WDFY4: variants seen among roughly 807,000 people sequenced by gnomAD.
WDFY4 encodes WD repeat- and FYVE domain-containing protein 4.
In WDFY4, 169 loss-of-function variants were observed where a neutral mutation model predicts 351.9. The ratio of observed to expected loss-of-function variants is 0.48; its 90% CI spans 0.42 to 0.55. The LOEUF is 0.55. Among genes scored for constraint, WDFY4 ranks in the 20% least tolerant of loss-of-function variants. WDFY4 has a pLI of 0.00. For missense variants in WDFY4, 3,803 were observed against 3,935.6 expected (o/e 0.97, Z 0.90); for synonymous variants, 1,622 against 1,574.6 (o/e 1.03, Z -0.71).
intron 49 of WDFY4, among the ~76,000 whole-genome samples, chr10:48,945,579 A>G (rs1409594314): frequency 1.3e-5 from 2 of 152,230 alleles, no homozygotes; most frequent in Admixed American, 6.5e-5. Flanking sequence ...TTCACTGCCC[A>G]GAAAGGAGTG....
chr10:48,748,624 A>G (rs889876693), intron 12 of WDFY4, among the ~76,000 whole-genome samples: 2 of 152,176 alleles, frequency 1.3e-5, no homozygotes, highest in African/African-American at 4.8e-5. Flanking sequence ...GTCAAATGTC[A>G]TCCTGGTTTT....
At chr10:48,926,155 TC>T (rs1399562412) in intron 47 of WDFY4, among the ~76,000 whole-genome samples, 40 of 152,098 alleles carry the variant, frequency 2.6e-4, no homozygotes, top group Admixed American at 7.9e-4. Flanking sequence ...CCCCACTGCC[TC>T]CCGGGAGAGG....
At chr10:48,685,598 C>T (rs1407722488) in intron 1 of WDFY4, among the ~76,000 whole-genome samples, 1 of 152,186 alleles carries the variant, frequency 6.6e-6, no homozygotes, top group South Asian at 2.1e-4. Flanking sequence ...ATTGAAACGC[C>T]TGCATTTTCT....
intron 50 of WDFY4, 70 bp downstream of exon 50, chr10:48,946,227 C>T: frequency 8.2e-7 from 1 of 1,215,446 alleles, no homozygotes; most frequent in Non-Finnish European, 1.2e-6. Context: ...TAGTTGATAA[C>T]AATTAAGGTG....
chr10:48,814,319 G>A (rs1159405295), intron 31 of WDFY4, among the ~76,000 whole-genome samples: 1 of 152,176 alleles, frequency 6.6e-6, no homozygotes, highest in Non-Finnish European at 1.5e-5. Context: ...ATTTGTTTAA[G>A]CATGGGATTT....
chr10:48,952,400 G>A (rs996525642), intron 51 of WDFY4, among the ~76,000 whole-genome samples: 9 of 152,206 alleles, frequency 5.9e-5, no homozygotes, highest in East Asian at 1.9e-4. Flanking sequence ...AGGGCCCAAA[G>A]TGTGACTTGA....
intron 47 of WDFY4, among the ~76,000 whole-genome samples, chr10:48,922,035 AT>A (rs1176333919): frequency 1.3e-5 from 2 of 152,190 alleles, no homozygotes; most frequent in African/African-American, 4.8e-5. Flanking sequence ...TAGCTGCTCT[AT>A]TCATAATTGC....
chr10:48,828,948 G>C (rs1307503146), intron 37 of WDFY4, 52 bp downstream of exon 37: 1 of 412,348 alleles, frequency 2.4e-6, no homozygotes, highest in Non-Finnish European at 4.3e-6. Context: ...CGGGGAGGGG[G>C]TGGTGGCAGG....
At chr10:48,820,539 C>A in intron 33 of WDFY4, 102 bp downstream of exon 33, 2 of 1,271,770 alleles carry the variant, frequency 1.6e-6, no homozygotes, top group Non-Finnish European at 1.1e-6. Flanking sequence ...GGCCTGGGGG[C>A]CACAGCGAGT....
Position 48,778,678 on chromosome 10 carries a change from T to C in WDFY4, c.3243T>C (p.His1081=), listed in dbSNP as rs539668571. 2 of 1,551,656 alleles carry C rather than the reference T, an allele frequency of 1.3e-6. No homozygotes were observed. Among genetic ancestry groups the C allele is most frequent in the South Asian group, 1.2e-5 (1 of 84,060 alleles). The change falls in exon 18 of 62, where the codon CAT becomes CAC. Residue 1081 remains histidine (H), a synonymous_variant. Coordinates refer to ENST00000325239, the MANE Select transcript of WDFY4 (RefSeq NM_001394531.1). ...CCTGCTGGTTCCTGATCAGCCGGCA[T>C]GGAGCTGCCACTGAGGGCCACCCGC... is the stretch of plus-strand genomic sequence containing the variant. ...TFSCWFLISR[H]GAATEGHPLR... is the part of the protein sequence containing the mutation.
chr10:48,751,514 G>A (rs551326164), intron 12 of WDFY4, among the ~76,000 whole-genome samples: 2 of 152,290 alleles, frequency 1.3e-5, no homozygotes, highest in South Asian at 2.1e-4. Flanking sequence ...TATTTAGGAC[G>A]TAACTTTGCC....
chr10:48,823,234 C>G (rs1002840508), intron 35 of WDFY4: 15 of 1,303,028 alleles, frequency 1.2e-5, no homozygotes, highest in Middle Eastern at 2.1e-4. Context: ...TCCAGGAAAC[C>G]TTTGCTCAAA....
intron 47 of WDFY4, among the ~76,000 whole-genome samples, chr10:48,932,306 C>A (rs1041456504): frequency 1.3e-5 from 2 of 152,212 alleles, no homozygotes; most frequent in Admixed American, 1.3e-4. Flanking sequence ...CTCTGGGCCA[C>A]TCCCCACTGG....
At position 48,743,448 on chromosome 10, in the gene WDFY4, T is replaced by C. The variant is rs1243712919; in HGVS notation, c.2359T>C (p.Ser787Pro). The part of the protein sequence containing the change: ...TLHLRGDLKE[S>P]LRTKQGPVVD... ...CCACTTGCGTGGGGACCTGAAGGAG[T>C]CCCTGAGGACCAAGCAGGGGCCGGT... is the stretch of plus-strand genomic sequence containing the variant. The change falls in exon 12 of 62, where the codon TCC becomes CCC. Residue 787 changes from serine (S) to proline (P), a missense_variant. Physicochemically the swap from Ser to Pro is moderately conservative, Grantham distance 74. Coordinates refer to ENST00000325239, the MANE Select transcript of WDFY4 (RefSeq NM_001394531.1). 6.5e-7 allele frequency: 1 copy of C among 1,549,578 alleles called. No homozygotes were observed. Among genetic ancestry groups the C allele is most frequent in the African/African-American group, 1.4e-5 (1 of 72,658 alleles).
At chr10:48,734,937 G>A (rs973706272) in intron 10 of WDFY4, among the ~76,000 whole-genome samples, 7 of 120,510 alleles carry the variant, frequency 5.8e-5, no homozygotes, top group Admixed American at 1.0e-4. Context: ...CGCCATGCAC[G>A]GCTAATTTTT....
At chr10:48,686,267 G>A (rs1298105282) in intron 1 of WDFY4, among the ~76,000 whole-genome samples, 3 of 149,428 alleles carry the variant, frequency 2.0e-5, no homozygotes, top group Admixed American at 1.3e-4. Context: ...GATCACCTGA[G>A]GTCAGGAGTT....
intron 2 of WDFY4, among the ~76,000 whole-genome samples, chr10:48,716,739 T>A (rs1391850131): frequency 6.6e-6 from 1 of 152,194 alleles, no homozygotes; most frequent in Non-Finnish European, 1.5e-5. Context: ...GTCCCACTGC[T>A]CCAGAGACGA....
At chr10:48,870,738 C>G (rs2069737742) in intron 40 of WDFY4, among the ~76,000 whole-genome samples, 1 of 152,090 alleles carries the variant, frequency 6.6e-6, no homozygotes, top group African/African-American at 2.4e-5. Context: ...AAACTCAGGA[C>G]TTTTGCTATT....
At chr10:48,728,017 G>A (rs1351621221) in intron 7 of WDFY4, among the ~76,000 whole-genome samples, 1 of 152,162 alleles carries the variant, frequency 6.6e-6, no homozygotes, top group Non-Finnish European at 1.5e-5. Flanking sequence ...CCACCTTCAG[G>A]AGCAGCTGCC....
Sources: allele counts gnomAD v4.1 joint callset (sites outside exome capture counted in the v4.1 genomes callset), GRCh38; gene constraint gnomAD v4.1.1; transcripts MANE v1.5; gene names NCBI Gene and HGNC (gene_info 2026-07-23, HGNC 2026-07-21).